Variants in VAV3 observed in about 807,000 individuals in gnomAD.
VAV3 encodes vav guanine nucleotide exchange factor 3, also known as guanine nucleotide exchange factor VAV3.
Under a neutral mutation model 131.2 loss-of-function variants are expected in VAV3, and 94 were observed. The ratio of observed to expected loss-of-function variants is 0.72; its 90% CI spans 0.61 to 0.85. The LOEUF (loss-of-function observed/expected upper bound fraction) is 0.85. Among genes scored for constraint, VAV3 ranks in the 40% least tolerant of loss-of-function variants. The probability of loss-of-function intolerance (pLI) is 0.00; values close to 1 mark genes in which losing one functional copy is unlikely to be tolerated. For missense variants in VAV3, 939 were observed against 1,002.7 expected (o/e 0.94, Z 0.86); for synonymous variants, 349 against 342.0 (o/e 1.02, Z -0.22).
At chr1:107,614,655 A>G (rs1311492686) in intron 21 of VAV3, among the ~76,000 whole-genome samples, 1 of 152,118 alleles carries the variant, frequency 6.6e-6, no homozygotes, top group Non-Finnish European at 1.5e-5. Context: ...ATATCATTCA[A>G]TATGATTCTA....
chr1:107,679,630 A>G (rs1214108835), intron 19 of VAV3, among the ~76,000 whole-genome samples: 1 of 152,196 alleles, frequency 6.6e-6, no homozygotes, highest in Non-Finnish European at 1.5e-5. Flanking sequence ...AACTGAAATA[A>G]ATCTTGTATC....
chr1:107,905,866 C>A (rs1672080888), intron 1 of VAV3, among the ~76,000 whole-genome samples: 1 of 151,858 alleles, frequency 6.6e-6, no homozygotes, highest in Admixed American at 6.6e-5. Flanking sequence ...ATGTAATAAT[C>A]AAAAAACTAA....
At chr1:107,588,241 G>A (rs998663449) in intron 25 of VAV3, among the ~76,000 whole-genome samples, 3 of 152,196 alleles carry the variant, frequency 2.0e-5, no homozygotes, top group African/African-American at 7.2e-5. Context: ...TTCAAGAACT[G>A]TAAATTATGT....
At chr1:107,639,120 G>A (rs781097135) in intron 20 of VAV3, among the ~76,000 whole-genome samples, 12 of 151,720 alleles carry the variant, frequency 7.9e-5, no homozygotes, top group Non-Finnish European at 1.6e-4. Context: ...TGCTGCTGGA[G>A]CACCTAGATA....
At chr1:107,929,397 T>C (rs925303823) in intron 1 of VAV3, among the ~76,000 whole-genome samples, 1 of 151,824 alleles carries the variant, frequency 6.6e-6, no homozygotes, top group Non-Finnish European at 1.5e-5. Flanking sequence ...AGCTAAGGAA[T>C]TTCATCAACA....
chr1:107,932,243 C>T (rs766865430), intron 1 of VAV3, among the ~76,000 whole-genome samples: 4 of 152,294 alleles, frequency 2.6e-5, no homozygotes, highest in African/African-American at 2.4e-5. Context: ...AGTTCAAGAG[C>T]GGGCATTAAG....
At chr1:107,627,662 C>T (rs369139281) in intron 20 of VAV3, among the ~76,000 whole-genome samples, 1 of 152,124 alleles carries the variant, frequency 6.6e-6, no homozygotes, top group Admixed American at 6.6e-5. Flanking sequence ...AGACTCACAA[C>T]ACTCCATGAG....
intron 15 of VAV3, among the ~76,000 whole-genome samples, chr1:107,728,952 T>C (rs1662047908): frequency 6.6e-6 from 1 of 152,210 alleles, no homozygotes; most frequent in African/African-American, 2.4e-5. Context: ...GGTTGCTCTA[T>C]GGTGTTTCTT....
chr1:107,757,406 T>G lies in VAV3; in HGVS notation c.1018-77A>C. 5.0e-6 allele frequency: 6 copies of G among 1,192,454 alleles called. No individual in the cohort carries two copies. The South Asian group carries it at 9.0e-5, about 18-fold the overall frequency. 73.9% of individuals were successfully genotyped at this position (1,192,454 alleles called of 1,614,324 possible). ...ATACTAAAGAAAACATTTTTACAAA[T>G]AAACCATTATTATTGGTTTTCTCTC... is the stretch of plus-strand genomic sequence containing the variant. On this transcript the variant is annotated intron_variant, in intron 10 of 26. Coordinates refer to ENST00000370056, the MANE Select transcript of VAV3 (RefSeq NM_006113.5).
chr1:107,591,733 C>G (rs933834348), intron 25 of VAV3, among the ~76,000 whole-genome samples: 1 of 152,120 alleles, frequency 6.6e-6, no homozygotes, highest in Non-Finnish European at 1.5e-5. Flanking sequence ...TCAGACTCCC[C>G]AAATGTTAAC....
At chr1:107,964,468 G>C (rs542989145) in intron 1 of VAV3, 198 bp downstream of exon 1, 1 of 541,070 alleles carries the variant, frequency 1.8e-6, no homozygotes, top group African/African-American at 1.9e-5. Context: ...CAAAGCTTTC[G>C]CATTCAGCTT....
intron 3 of VAV3, chr1:107,777,527 A>C (rs939469366): frequency 3.6e-6 from 2 of 560,064 alleles, no homozygotes; most frequent in Non-Finnish European, 3.2e-6. Flanking sequence ...AATCATCTGA[A>C]GCAATTACAG....
chr1:107,726,905 T>C (rs966641128), intron 15 of VAV3, among the ~76,000 whole-genome samples: 7 of 152,192 alleles, frequency 4.6e-5, no homozygotes, highest in African/African-American at 1.7e-4. Context: ...CATTGTCTAG[T>C]GTGTAAATCC....
intron 24 of VAV3, among the ~76,000 whole-genome samples, chr1:107,600,151 T>C (rs1228692423): frequency 6.6e-6 from 1 of 152,172 alleles, no homozygotes; most frequent in African/African-American, 2.4e-5. Context: ...CTTTTTAGAA[T>C]GGTTAAGTCC....
intron 15 of VAV3, among the ~76,000 whole-genome samples, chr1:107,726,018 T>C (rs574699385): frequency 6.6e-6 from 1 of 152,234 alleles, no homozygotes; most frequent in East Asian, 1.9e-4. Context: ...CGAATTTAGG[T>C]TATTGCTAGA....
chr1:107,882,012 T>A (rs568235976), intron 1 of VAV3, among the ~76,000 whole-genome samples: 1,693 of 152,260 alleles, frequency 0.011, 19 homozygotes, highest in Non-Finnish European at 0.017. Flanking sequence ...AAGATATGAA[T>A]GCAAACAGGA....
intron 15 of VAV3, among the ~76,000 whole-genome samples, chr1:107,720,253 C>T (rs944513125): frequency 1.3e-5 from 2 of 151,740 alleles, no homozygotes; most frequent in Admixed American, 6.6e-5. Flanking sequence ...TATGGTGGCA[C>T]ATGCCTGAAG....
intron 2 of VAV3, among the ~76,000 whole-genome samples, chr1:107,826,928 G>GT (rs1220415764): frequency 2.6e-5 from 4 of 151,950 alleles, no homozygotes; most frequent in Non-Finnish European, 5.9e-5. Context: ...ACTTGTTTCA[G>GT]TTTTTTATAT....
At chr1:107,916,738 T>C (rs1195002804) in intron 1 of VAV3, among the ~76,000 whole-genome samples, 1 of 152,148 alleles carries the variant, frequency 6.6e-6, no homozygotes, top group Non-Finnish European at 1.5e-5. Flanking sequence ...TACCTATAAC[T>C]AGAACAAGTG....
Sources: allele counts gnomAD v4.1 joint callset (sites outside exome capture counted in the v4.1 genomes callset), GRCh38; gene constraint gnomAD v4.1.1; transcripts MANE v1.5; gene names NCBI Gene and HGNC (gene_info 2026-07-23, HGNC 2026-07-21).